TFAM: variants seen among roughly 807,000 people sequenced by gnomAD.
The protein encoded by TFAM is mitochondrial transcription factor 1.
TFAM carries 13 observed loss-of-function variants against 30.6 expected under a neutral mutation model. The ratio of observed to expected loss-of-function variants is 0.42; its 90% CI spans 0.28 to 0.67. The LOEUF (loss-of-function observed/expected upper bound fraction) is 0.67, where lower values mean the gene tolerates loss of function less well. Among genes scored for constraint, TFAM ranks in the 30% least tolerant of loss-of-function variants. The pLI is 0.21. For missense variants in TFAM, 231 were observed against 293.7 expected, an observed-to-expected ratio of 0.79 and a Z score of 1.56; for synonymous variants, 106 against 94.8, an observed-to-expected ratio of 1.12 and a Z score of -0.69.
chr10:58,391,297 A>T (rs562468278), intron 5 of TFAM, among the ~76,000 whole-genome samples: 1 of 152,302 alleles, frequency 6.6e-6, no homozygotes, highest in East Asian at 1.9e-4. Flanking sequence ...ATGTGAATGC[A>T]TCATATCAGT....
rs1840729753 is a variant in TFAM, at chr10:58,398,484, T to G, written c.*3410T>G. On this transcript the variant is annotated 3_prime_UTR_variant, in exon 7 of 7. Coordinates refer to ENST00000487519, the MANE Select transcript of TFAM (RefSeq NM_003201.3). ...AAATAATACTGTGTACGTATTCAGCTTGCTGTAATTCTGTAATTACGCTAT... is the reference window on the plus strand; with the variant it reads ...AAATAATACTGTGTACGTATTCAGCGTGCTGTAATTCTGTAATTACGCTAT... 1 of 152,254 alleles carries G rather than the reference T, an allele frequency of 6.6e-6. No homozygotes were observed. Among genetic ancestry groups the G allele is most frequent in the African/African-American group, 2.4e-5 (1 of 41,474 alleles). The allele number at this position is 152,254 out of a possible 1,614,324, so 9.4% of individuals were successfully genotyped here. A position where few individuals can be genotyped will look rare whatever the true frequency, so the allele number is the denominator to read the frequency against.
In TFAM at chr10:58,396,114, A is replaced by G. The variant is rs1050216658; in HGVS notation, c.*1040A>G. ...AAATTAACATGAATATTTAGTGTTC[A>G]TAAATAAAGTTTGTTGAAACACAAC... On this transcript the variant is annotated 3_prime_UTR_variant, in exon 7 of 7. Transcript: ENST00000487519. 2.0e-5 allele frequency: 3 copies of G among 152,296 alleles called. No homozygotes were observed. Among genetic ancestry groups the G allele is most frequent in the African/African-American group, 7.2e-5 (3 of 41,444 alleles). 9.4% of individuals were successfully genotyped at this position (152,296 alleles called of 1,614,324 possible).
intron 4 of TFAM, among the ~76,000 whole-genome samples, chr10:58,390,370 CAA>C: frequency 6.6e-6 from 1 of 152,242 alleles, no homozygotes; most frequent in African/African-American, 2.4e-5. Flanking sequence ...GATTATTAAA[CAA>C]ATAGTCCATT....
Position 58,385,410 on chromosome 10 carries a change from A to G in TFAM, c.-138A>G, listed in dbSNP as rs773839455. On this transcript the variant is annotated 5_prime_UTR_variant, in exon 1 of 7. Coordinates refer to ENST00000487519, the MANE Select transcript of TFAM (RefSeq NM_003201.3). ...CCGACCGGATGTTAGCAGATTTCCC[A>G]TAGTGCCTCGCTAGTGGCGGGCATG... The G allele has an allele frequency of 8.3e-6, 6 of 721,338 alleles. No homozygotes were observed. In the African/African-American group the frequency reaches 8.7e-5, roughly 10 times the overall value. The allele number at this position is 721,338 out of a possible 1,614,324, so 44.7% of individuals were successfully genotyped here. A position where few individuals can be genotyped will look rare whatever the true frequency, so the allele number is the denominator to read the frequency against.
rs1258755496 is a variant in TFAM at position 58,394,434 on chromosome 10, G to A, written c.594+20G>A. ...AAGGAAGTGAGTATTACGGTTGTTA[G>A]TCTCAAGTGTCTACTTAGGATATCT... On this transcript the variant is annotated intron_variant, in intron 6 of 6. Transcript: ENST00000487519. 6.2e-7 allele frequency: 1 copy of A among 1,600,976 alleles called. No individual in the cohort carries two copies. The highest frequency in any genetic ancestry group is 1.7e-5 in the Admixed American group (1 of 60,020).
Position 58,385,605 on chromosome 10 carries a change from G to A in TFAM, c.58G>A (p.Glu20Lys). The A allele has an allele frequency of 1.9e-6, 3 of 1,568,476 alleles. No individual in the cohort carries two copies. Among genetic ancestry groups the A allele is most frequent in the Non-Finnish European group, 2.6e-6 (3 of 1,156,180 alleles). ...GAGTGCCCTGGGAAGGTCTGGAGCAGAGCTGTGCACCGGCTGTGGAAGTCG... is the reference window on the plus strand; with the variant it reads ...GAGTGCCCTGGGAAGGTCTGGAGCAAAGCTGTGCACCGGCTGTGGAAGTCG... ...VLSALGRSGA[E>K]LCTGCGSRLR... Residue 20 changes from glutamate to lysine, a missense_variant, in exon 1 of 7, where the codon GAG (glutamate) becomes AAG (lysine). Glu to Lys is a moderately conservative substitution (Grantham distance 56, BLOSUM62 1). Transcript: ENST00000487519.
rs534394255 is a variant in TFAM at position 58,397,602 on chromosome 10, T to G, written c.*2528T>G. On this transcript the variant is annotated 3_prime_UTR_variant, in exon 7 of 7. Coordinates refer to ENST00000487519, the MANE Select transcript of TFAM (RefSeq NM_003201.3). ...TTCCCCCGACATCCAGAATACACAC[T>G]GGATCCAAGCCTTTCTTAAACATCA... 6.6e-6 allele frequency: 1 copy of G among 152,114 alleles called. No individual in the cohort carries two copies. Among genetic ancestry groups the G allele is most frequent in the Admixed American group, 6.5e-5 (1 of 15,280 alleles). The allele number at this position is 152,114 out of a possible 1,614,324, so 9.4% of individuals were successfully genotyped here.
chr10:58,388,662 A>G lies in TFAM; in HGVS notation c.292-8A>G, dbSNP rs370616747. ...GTTTGTTGACTTACTTGGGTTTTTT[A>G]TTTATAGATATATCAAGATGCTTAT... On this transcript the variant is annotated splice_region_variant and splice_polypyrimidine_tract_variant and intron_variant, in intron 3 of 6. Coordinates refer to ENST00000487519, the MANE Select transcript of TFAM (RefSeq NM_003201.3). The G allele has an allele frequency of 6.2e-7, 1 of 1,609,192 alleles. No individual in the cohort carries two copies. The highest frequency in any genetic ancestry group is 1.3e-5 in the African/African-American group (1 of 74,376).
intron 4 of TFAM, among the ~76,000 whole-genome samples, chr10:58,390,512 G>A (rs986318132): frequency 1.3e-5 from 2 of 152,126 alleles, no homozygotes; most frequent in African/African-American, 2.4e-5. Context: ...TTTAGTTCAT[G>A]GAGACTATGA....
In TFAM at chr10:58,396,637, A is replaced by G. The variant is rs1318172379; in HGVS notation, c.*1563A>G. ...TTAGGAGAGTCAAGCAAAGGTTTTC[A>G]CCACCTGTTTGAGCAGAATAATTCT... is the stretch of plus-strand genomic sequence containing the variant. On this transcript the variant is annotated 3_prime_UTR_variant, in exon 7 of 7. Transcript: ENST00000487519. 2.0e-5 allele frequency: 3 copies of G among 152,244 alleles called. No individual in the cohort carries two copies. 9.4% of individuals were successfully genotyped at this position (152,244 alleles called of 1,614,324 possible).
chr10:58,395,632 A>G lies in TFAM; in HGVS notation c.*558A>G, dbSNP rs1257393295. ...GTATAAAAGGGACTGAGAAATTTAT[A>G]AACTTTTTTCTTACTGTCTTTTTTC... On this transcript the variant is annotated 3_prime_UTR_variant, in exon 7 of 7. Coordinates refer to ENST00000487519, the MANE Select transcript of TFAM (RefSeq NM_003201.3). 1.6e-5 allele frequency: 4 copies of G among 257,264 alleles called. No homozygotes were observed. The highest frequency in any genetic ancestry group is 2.9e-5 in the Non-Finnish European group (4 of 138,468). 15.9% of individuals were successfully genotyped at this position (257,264 alleles called of 1,614,324 possible).
At chr10:58,394,326 C>T (rs774462455) in intron 5 of TFAM, 32 bp from the exon 6 acceptor site, 2 of 1,544,606 alleles carry the variant, frequency 1.3e-6, no homozygotes, top group African/African-American at 1.4e-5. Flanking sequence ...GTCCCCATAT[C>T]TACCTTAACT....
chr10:58,388,957 GGATAGTTCTCTTATGAAAAGTGA>G, intron 4 of TFAM, 138 bp downstream of exon 4: 1 of 785,734 alleles, frequency 1.3e-6, no homozygotes, highest in East Asian at 2.8e-5. Flanking sequence ...GGCAGAAGTG[GGATAGTTCTCTTATGAAAAGTGA>G]GATAGCCACT....
intron 5 of TFAM, 51 bp from the exon 6 acceptor site, chr10:58,394,283 TTTTTGTTGGAATGAATAATAAAGG>T: frequency 9.1e-7 from 1 of 1,096,424 alleles, no homozygotes; most frequent in Non-Finnish European, 1.4e-6. Context: ...GTATCTTGAG[TTTTTGTTGGAATGAATAATAAAGG>T]TCACTGAAGT....
chr10:58,394,341 CA>C lies in TFAM; in HGVS notation c.538-16del, dbSNP rs778844460. On this transcript the variant is annotated splice_polypyrimidine_tract_variant and intron_variant, in intron 5 of 6. Transcript: ENST00000487519. ...GTCCCCATATCTACCTTAACTTAAA[CA>C]TATATTGTTTTACAGGAAAAGCTGA... The C allele has an allele frequency of 1.2e-6, 2 of 1,600,796 alleles. No homozygotes were observed. The highest frequency in any genetic ancestry group is 1.7e-6 in the Non-Finnish European group (2 of 1,168,430).
Position 58,388,049 on chromosome 10 carries a change from T to C in TFAM, c.221-141T>C, listed in dbSNP as rs534628292. 41 of 686,148 alleles carry C rather than the reference T, an allele frequency of 6.0e-5. No individual in the cohort carries two copies. The East Asian group carries it at 1.1e-3, about 19-fold the overall frequency. The allele number at this position is 686,148 out of a possible 1,614,324, so 42.5% of individuals were successfully genotyped here. A position where few individuals can be genotyped will look rare whatever the true frequency, so the allele number is the denominator to read the frequency against. ...GATAATGTTGGATAAATTACTTACG[T>C]TTAAATTAGTTGGATAAAGGAAAGT... On this transcript the variant is annotated intron_variant, in intron 2 of 6. Coordinates refer to ENST00000487519, the MANE Select transcript of TFAM (RefSeq NM_003201.3).
In TFAM at chr10:58,398,512, C is replaced by G. The variant is rs533773086; in HGVS notation, c.*3438C>G. On this transcript the variant is annotated 3_prime_UTR_variant, in exon 7 of 7. Coordinates refer to ENST00000487519, the MANE Select transcript of TFAM (RefSeq NM_003201.3). ...CTGTAATTCTGTAATTACGCTATTG[C>G]GTTTGGCTAACTCCTTTTTGGAAAT... is the stretch of plus-strand genomic sequence containing the variant. The G allele has an allele frequency of 2.6e-5, 4 of 151,790 alleles. No homozygotes were observed. The highest frequency in any genetic ancestry group is 6.6e-5 in the Admixed American group (1 of 15,250). 9.4% of individuals were successfully genotyped at this position (151,790 alleles called of 1,614,324 possible).
At chr10:58,387,817 C>T (rs1371893198) in intron 2 of TFAM, among the ~76,000 whole-genome samples, 1 of 152,024 alleles carries the variant, frequency 6.6e-6, no homozygotes, top group African/African-American at 2.4e-5. Context: ...GTAGTCCCAG[C>T]TACTCGGGAG....
At chr10:58,387,269 CAAT>C (rs1840508033) in intron 2 of TFAM, among the ~76,000 whole-genome samples, 2 of 151,956 alleles carry the variant, frequency 1.3e-5, no homozygotes, top group South Asian at 4.2e-4. Context: ...TCTCAAAAAA[CAAT>C]AATAATTTTA....
Sources: allele counts gnomAD v4.1 joint callset (sites outside exome capture counted in the v4.1 genomes callset), GRCh38; gene constraint gnomAD v4.1.1; transcripts MANE v1.5; gene names NCBI Gene and HGNC (gene_info 2026-07-23, HGNC 2026-07-21).